The following MCTP1 variants were observed in gnomAD, a reference collection of about 807,000 sequenced individuals.
MCTP1 encodes the protein multiple C2 and transmembrane domain-containing protein 1.
MCTP1 carries 69 observed loss-of-function variants against 120.6 expected under a neutral mutation model. The ratio of observed to expected loss-of-function variants is 0.57; its 90% CI spans 0.47 to 0.70. MCTP1 has a LOEUF of 0.70. MCTP1 is among the 30% of genes least tolerant of loss of function. The pLI, the probability that MCTP1 is intolerant of heterozygous loss-of-function variation, is 0.00. For synonymous variants in MCTP1, 529 were observed against 493.1 expected, an observed-to-expected ratio of 1.07 and a Z score of -0.96; for missense variants, 1,203 against 1,248.8, an observed-to-expected ratio of 0.96 and a Z score of 0.55.
At chr5:95,024,136 C>T (rs1215920100) in intron 1 of MCTP1, 13 of 430,504 alleles carry the variant, frequency 3.0e-5, no homozygotes, top group Non-Finnish European at 5.1e-5. Context: ...GCTTTTGTTG[C>T]CTCTGCTTTT....
chr5:95,090,673 T>A (rs1379472827), intron 1 of MCTP1, among the ~76,000 whole-genome samples: 1 of 152,210 alleles, frequency 6.6e-6, no homozygotes, highest in Non-Finnish European at 1.5e-5. Context: ...TGTAAAATAC[T>A]TAGTTTAAAA....
chr5:95,123,331 GTC>G (rs1336586355), intron 1 of MCTP1, among the ~76,000 whole-genome samples: 1 of 151,898 alleles, frequency 6.6e-6, no homozygotes, highest in Non-Finnish European at 1.5e-5. Context: ...TATGTAAAGA[GTC>G]TGATTTTTCT....
chr5:94,990,458 C>A lies in MCTP1; in HGVS notation c.838+26909G>T, dbSNP rs144691894. Among the ~76,000 whole-genome samples the A allele has an allele frequency of 3.1e-3, 478 of 152,260 alleles. 1 individual carries two copies. Among genetic ancestry groups the A allele is most frequent in the Middle Eastern group, 0.014 (4 of 294 alleles). On this transcript the variant is annotated intron_variant, in intron 2 of 22. Transcript: ENST00000515393. ...TTGTAGAACTGAGGCCTTTAGCTGC[C>A]AGAGATCATTCTTCTCCATTGGCAA...
At chr5:95,040,966 A>G (rs949199220) in intron 1 of MCTP1, among the ~76,000 whole-genome samples, 10 of 152,146 alleles carry the variant, frequency 6.6e-5, no homozygotes, top group Non-Finnish European at 1.2e-4. Context: ...GGGTGGAGAG[A>G]CAGAAGTACA....
At chr5:94,765,888 T>C (rs1320204737) in intron 19 of MCTP1, among the ~76,000 whole-genome samples, 1 of 151,624 alleles carries the variant, frequency 6.6e-6, no homozygotes, top group Non-Finnish European at 1.5e-5. Flanking sequence ...TTATAACTGA[T>C]ACCACAGAAA....
intron 17 of MCTP1, among the ~76,000 whole-genome samples, chr5:94,833,281 T>C (rs1788977524): frequency 6.6e-6 from 1 of 152,198 alleles, no homozygotes; most frequent in Admixed American, 6.5e-5. Flanking sequence ...CCTGTGTAGC[T>C]ATAATAAAAT....
At chr5:95,275,325 T>A (rs457568) in intron 1 of MCTP1, among the ~76,000 whole-genome samples, 1 of 152,156 alleles carries the variant, frequency 6.6e-6, no homozygotes, top group South Asian at 2.1e-4. Flanking sequence ...TATTAAAGAA[T>A]CTAGAAGCTC....
chr5:95,103,156 C>T (rs1756861053), intron 1 of MCTP1, among the ~76,000 whole-genome samples: 2 of 150,994 alleles, frequency 1.3e-5, no homozygotes, highest in African/African-American at 4.9e-5. Context: ...GTCTTGTTAC[C>T]ATAAGCACAT....
chr5:94,950,307 T>C (rs1466588058), intron 3 of MCTP1, among the ~76,000 whole-genome samples: 2 of 151,828 alleles, frequency 1.3e-5, no homozygotes, highest in East Asian at 3.9e-4. Context: ...TAAAAGTAAC[T>C]GTGTATCCTC....
intron 10 of MCTP1, among the ~76,000 whole-genome samples, chr5:94,897,325 C>T (rs956081532): frequency 6.0e-5 from 9 of 150,932 alleles, no homozygotes; most frequent in African/African-American, 9.8e-5. Flanking sequence ...CCACCTGGCT[C>T]GGCATTCTAA....
intron 1 of MCTP1, among the ~76,000 whole-genome samples, chr5:95,137,560 A>C (rs965591152): frequency 1.3e-5 from 2 of 152,240 alleles, no homozygotes; most frequent in African/African-American, 4.8e-5. Context: ...ATTTGCATGG[A>C]CATTGAACTT....
chr5:94,729,741 G>C (rs1424222069), intron 19 of MCTP1, among the ~76,000 whole-genome samples: 1 of 152,198 alleles, frequency 6.6e-6, no homozygotes, highest in Non-Finnish European at 1.5e-5. Context: ...AAGGATGCCT[G>C]AACATGGTAG....
At chr5:95,219,166 G>A (rs544272125) in intron 1 of MCTP1, among the ~76,000 whole-genome samples, 24 of 152,146 alleles carry the variant, frequency 1.6e-4, no homozygotes, top group African/African-American at 5.5e-4. Context: ...TGGATCATGC[G>A]GTCAGGAGAT....
At chr5:95,026,622 CATTCTT>C (rs1386459626) in intron 1 of MCTP1, among the ~76,000 whole-genome samples, 3 of 152,126 alleles carry the variant, frequency 2.0e-5, no homozygotes, top group Non-Finnish European at 4.4e-5. Context: ...CACAGAATCT[CATTCTT>C]ATTATCAATT....
intron 20 of MCTP1, among the ~76,000 whole-genome samples, chr5:94,713,513 C>T (rs1162553507): frequency 3.3e-5 from 5 of 152,146 alleles, no homozygotes; most frequent in Non-Finnish European, 7.3e-5. Context: ...CAGGTATCAG[C>T]ACACTGTGTA....
chr5:94,998,799 A>G (rs748519558), intron 2 of MCTP1, among the ~76,000 whole-genome samples: 5 of 152,222 alleles, frequency 3.3e-5, no homozygotes, highest in African/African-American at 4.8e-5. Context: ...CATGGAATGT[A>G]AGTTACATAC....
At chr5:95,155,770 T>C (rs1745052109) in intron 1 of MCTP1, among the ~76,000 whole-genome samples, 1 of 152,144 alleles carries the variant, frequency 6.6e-6, no homozygotes, top group African/African-American at 2.4e-5. Context: ...TCCTCCCCCA[T>C]AGTGTTCACA....
At chr5:95,242,774 C>T (rs1361725793) in intron 1 of MCTP1, among the ~76,000 whole-genome samples, 1 of 152,026 alleles carries the variant, frequency 6.6e-6, no homozygotes, top group Non-Finnish European at 1.5e-5. Context: ...AAGGGGAGCA[C>T]AAGGAAATTT....
At chr5:94,748,708 T>C (rs1767509074) in intron 19 of MCTP1, among the ~76,000 whole-genome samples, 1 of 152,260 alleles carries the variant, frequency 6.6e-6, no homozygotes, top group South Asian at 2.1e-4. Flanking sequence ...AGTTTCTCGA[T>C]TGTCTCAGGA....
Sources: gnomAD v4.1 joint callset for allele counts (sites outside exome capture counted in the v4.1 genomes callset) on GRCh38, gnomAD v4.1.1 for gene constraint, MANE v1.5 for transcripts, NCBI Gene and HGNC (gene_info 2026-07-23, HGNC 2026-07-21) for gene names.